Variants in SEMA4B observed in about 807,000 individuals in gnomAD.
SEMA4B encodes semaphorin-4B.
SEMA4B carries 55 observed loss-of-function variants against 88.1 expected under a neutral mutation model. The ratio of observed to expected loss-of-function variants is 0.62; its 90% CI spans 0.50 to 0.78. The LOEUF (loss-of-function observed/expected upper bound fraction) is 0.78, where lower values mean the gene tolerates loss of function less well. SEMA4B is among the 30% of genes least tolerant of loss of function. The pLI is 0.00. For synonymous variants in SEMA4B, 525 were observed against 473.6 expected (o/e 1.11, Z -1.41); for missense variants, 1,062 against 1,111.9 (o/e 0.96, Z 0.64).
At chr15:90,194,305 G>T (rs1960434487) in intron 1 of SEMA4B, among the ~76,000 whole-genome samples, 1 of 151,966 alleles carries the variant, frequency 6.6e-6, no homozygotes, top group South Asian at 2.1e-4. Context: ...GCCAAGGCAG[G>T]TGGCTCACCT....
chr15:90,210,278 C>G (rs1459534221), intron 1 of SEMA4B, among the ~76,000 whole-genome samples: 2 of 152,096 alleles, frequency 1.3e-5, no homozygotes, highest in African/African-American at 4.8e-5. Flanking sequence ...CCCACAGAGG[C>G]CCTTCTGCAC....
rs777315601 is a variant in SEMA4B, at chr15:90,221,741, G to C, written c.837G>C (p.Val279=). 50 of 1,613,820 alleles carry C rather than the reference G, an allele frequency of 3.1e-5. No individual in the cohort carries two copies. The East Asian group carries it at 1.1e-3, about 36-fold the overall frequency. ...TTGAGTTCTTTGAGAACACCATTGTGTCCCGCATTGCCCGCATCTGCAAGG... is the reference window on the plus strand; with the variant it reads ...TTGAGTTCTTTGAGAACACCATTGTCTCCCGCATTGCCCGCATCTGCAAGG... ...QEFEFFENTI[V]SRIARICKGD... Residue 279 remains valine, a synonymous_variant, in exon 7 of 14, where the codon GTG becomes GTC. Coordinates refer to ENST00000411539, the MANE Select transcript of SEMA4B (RefSeq NM_198925.4).
Position 90,201,401 on chromosome 15 carries a change from G to C in SEMA4B, c.-178G>C. 2 of 1,279,048 alleles carry C rather than the reference G, an allele frequency of 1.6e-6. No individual in the cohort carries two copies. The highest frequency in any genetic ancestry group is 2.0e-6 in the Non-Finnish European group (2 of 1,014,702). 79.2% of individuals were successfully genotyped at this position (1,279,048 alleles called of 1,614,324 possible). A position where few individuals can be genotyped will look rare whatever the true frequency, so the allele number is the denominator to read the frequency against. On this transcript the variant is annotated 5_prime_UTR_variant, in exon 1 of 14. Transcript: ENST00000411539. ...GGCGGGAGGACTGCGGTGCCCCGCG[G>C]AGGGGCTGAGTTTGCCAGGGCCCAC...
chr15:90,228,574 G>A lies in SEMA4B; in HGVS notation c.2445G>A (p.Val815=). The A allele has an allele frequency of 1.2e-6, 2 of 1,613,662 alleles. No individual in the cohort carries two copies. ...CACTCAGCATCCAAGACAGCTTCGTGGAGGTATCCCCAGTGTGCCCCCGGC... is the reference window on the plus strand; with the variant it reads ...CACTCAGCATCCAAGACAGCTTCGTAGAGGTATCCCCAGTGTGCCCCCGGC... The part of the protein sequence containing the change: ...KRPLSIQDSF[V]EVSPVCPRPR... The change falls in exon 14 of 14, where the codon GTG becomes GTA. Residue 815 remains valine, a synonymous_variant. Transcript: ENST00000411539.
chr15:90,206,522 T>G (rs1960996547), intron 1 of SEMA4B: 2 of 382,614 alleles, frequency 5.2e-6, no homozygotes. Context: ...AGACGGAGGC[T>G]CAGGCTCAGT....
In SEMA4B at chr15:90,228,345, G is replaced by A. The variant is rs373294219; in HGVS notation, c.2216G>A (p.Arg739Gln). 1.1e-5 allele frequency: 17 copies of A among 1,601,158 alleles called. No homozygotes were observed. The highest frequency in any genetic ancestry group is 5.4e-5 in the African/African-American group (4 of 74,694). Residue 739 changes from arginine to glutamine, a missense_variant, in exon 14 of 14, where the codon CGG becomes CAG. By Grantham distance (43) the Arg-to-Gln change is conservative. Coordinates refer to ENST00000411539, the MANE Select transcript of SEMA4B (RefSeq NM_198925.4). ...CTCCCAGTTTTATTCTTGCTCTACCGGCACCGGAACAGCATGAAAGTCTTC... is the reference window on the plus strand; with the variant it reads ...CTCCCAGTTTTATTCTTGCTCTACCAGCACCGGAACAGCATGAAAGTCTTC... ...VLLPVLFLLYRHRNSMKVFLK... is the reference protein window; with the variant it reads ...VLLPVLFLLYQHRNSMKVFLK...
chr15:90,220,969 C>T lies in SEMA4B; in HGVS notation c.484-13C>T, dbSNP rs764655172. The T allele has an allele frequency of 3.8e-6, 6 of 1,567,030 alleles. No individual in the cohort carries two copies. The highest frequency in any genetic ancestry group is 2.3e-5 in the South Asian group (2 of 86,864). On this transcript the variant is annotated splice_polypyrimidine_tract_variant and intron_variant, in intron 4 of 13. Coordinates refer to ENST00000411539, the MANE Select transcript of SEMA4B (RefSeq NM_198925.4). ...TGGAGTGCCCCTGAGCCCATGTGTC[C>T]ACCCTCCTGCAGAACATGGAGAACT... is the stretch of plus-strand genomic sequence containing the variant.
intron 3 of SEMA4B, chr15:90,218,037 C>G (rs1961622534): frequency 1.9e-6 from 1 of 528,666 alleles, no homozygotes; most frequent in African/African-American, 1.9e-5. Flanking sequence ...CTGTCTAAGC[C>G]TTAGTGGGCC....
At chr15:90,195,793 A>G (rs1960479968) in intron 1 of SEMA4B, among the ~76,000 whole-genome samples, 1 of 149,862 alleles carries the variant, frequency 6.7e-6, no homozygotes, top group Non-Finnish European at 1.5e-5. Context: ...TAATTTTTGT[A>G]GAGACGGAGT....
rs1229539601 is a variant in SEMA4B at position 90,229,633 on chromosome 15, T to A, written c.*990T>A. ...ATAAGATGCACTTTATGTCATTTTTTAATAAAGTCTGAAGAATTACTGTTT... is the reference window on the plus strand; with the variant it reads ...ATAAGATGCACTTTATGTCATTTTTAAATAAAGTCTGAAGAATTACTGTTT... On this transcript the variant is annotated 3_prime_UTR_variant, in exon 14 of 14. Transcript: ENST00000411539. 1 of 336,318 alleles carries A rather than the reference T, an allele frequency of 3.0e-6. No individual in the cohort carries two copies. The highest frequency in any genetic ancestry group is 2.2e-5 in the African/African-American group (1 of 45,476). 20.8% of individuals were successfully genotyped at this position (336,318 alleles called of 1,614,324 possible). A position where few individuals can be genotyped will look rare whatever the true frequency, so the allele number is the denominator to read the frequency against.
Position 90,227,887 on chromosome 15 carries a change from GC to G in SEMA4B, c.1775-15del, listed in dbSNP as rs1425943214. The G allele has an allele frequency of 6.2e-7, 1 of 1,608,278 alleles. No homozygotes were observed. Among genetic ancestry groups the G allele is most frequent in the South Asian group, 1.1e-5 (1 of 91,000 alleles). ...GGACGCTGGCACCCCCCTACCCCAT[GC>G]CTTTTCTGCCTACAGGGGAGAAGCC... On this transcript the variant is annotated splice_polypyrimidine_tract_variant and intron_variant, in intron 13 of 13. Transcript: ENST00000411539.
intron 1 of SEMA4B, among the ~76,000 whole-genome samples, chr15:90,213,625 T>C (rs1267381801): frequency 6.6e-6 from 1 of 152,258 alleles, no homozygotes; most frequent in Non-Finnish European, 1.5e-5. Flanking sequence ...CACCTGGGAC[T>C]GAGGCTTATC....
At chr15:90,192,243 C>T (rs2151584309) in intron 1 of SEMA4B, among the ~76,000 whole-genome samples, 1 of 152,326 alleles carries the variant, frequency 6.6e-6, no homozygotes, top group East Asian at 1.9e-4. Flanking sequence ...GGCCCCTCCC[C>T]CACAGCCAGC....
chr15:90,203,457 A>T (rs756332421), intron 1 of SEMA4B, among the ~76,000 whole-genome samples: 10 of 152,216 alleles, frequency 6.6e-5, no homozygotes, highest in East Asian at 1.9e-4. Context: ...GACCATGTCA[A>T]AAGACGGTAG....
chr15:90,192,885 G>C (rs2075248928), intron 1 of SEMA4B, among the ~76,000 whole-genome samples: 1 of 152,072 alleles, frequency 6.6e-6, no homozygotes, highest in African/African-American at 2.4e-5. Flanking sequence ...CACTGCGCCT[G>C]GCCTCGTTTC....
At chr15:90,218,673 A>C (rs1306637985) in intron 3 of SEMA4B, among the ~76,000 whole-genome samples, 2 of 152,114 alleles carry the variant, frequency 1.3e-5, no homozygotes, top group Non-Finnish European at 2.9e-5. Flanking sequence ...AACATTAGCC[A>C]GGCATGGTGG....
intron 1 of SEMA4B, among the ~76,000 whole-genome samples, chr15:90,194,991 C>G (rs1960457203): frequency 6.6e-6 from 1 of 151,624 alleles, no homozygotes; most frequent in Non-Finnish European, 1.5e-5. Flanking sequence ...TGAAGAATGC[C>G]ATAATATCAT....
intron 1 of SEMA4B, among the ~76,000 whole-genome samples, chr15:90,209,312 A>T (rs1340574378): frequency 6.6e-6 from 1 of 152,152 alleles, no homozygotes; most frequent in Admixed American, 6.6e-5. Flanking sequence ...ACACTTTGGG[A>T]GGCCGAGGCA....
At chr15:90,213,568 A>G (rs148319955) in intron 1 of SEMA4B, among the ~76,000 whole-genome samples, 3 of 152,318 alleles carry the variant, frequency 2.0e-5, no homozygotes, top group African/African-American at 7.2e-5. Context: ...GTAGTGCCCG[A>G]GGCAGGTTTC....
Sources: gnomAD v4.1 joint callset for allele counts (sites outside exome capture counted in the v4.1 genomes callset) on GRCh38, gnomAD v4.1.1 for gene constraint, MANE v1.5 for transcripts, NCBI Gene and HGNC (gene_info 2026-07-23, HGNC 2026-07-21) for gene names.